BBS9: variants seen among roughly 807,000 people sequenced by gnomAD.
BBS9 encodes the protein Bardet-Biedl syndrome 9.
In BBS9, 89 loss-of-function variants were observed where a neutral mutation model predicts 117.7. That is an observed-to-expected ratio of 0.76 (90% CI 0.64 to 0.90). The LOEUF is 0.90. BBS9 is among the 40% of genes least tolerant of loss of function. BBS9 has a pLI of 0.00. For synonymous variants in BBS9, 379 were observed against 370.9 expected (o/e 1.02, Z -0.25); for missense variants, 982 against 1,042.2 (o/e 0.94, Z 0.80).
At chr7:33,517,068 T>G (rs1304828824) in intron 20 of BBS9, among the ~76,000 whole-genome samples, 1 of 152,268 alleles carries the variant, frequency 6.6e-6, no homozygotes, top group Non-Finnish European at 1.5e-5. Flanking sequence ...TCATAAACAT[T>G]GGTTAGCAGT....
At chr7:33,132,352 G>C (rs1057364961) in intron 1 of BBS9, among the ~76,000 whole-genome samples, 1 of 152,156 alleles carries the variant, frequency 6.6e-6, no homozygotes, top group Non-Finnish European at 1.5e-5. Context: ...TTGTAGTTTT[G>C]TTATGAATAT....
intron 21 of BBS9, among the ~76,000 whole-genome samples, chr7:33,574,184 G>A (rs918732181): frequency 2.0e-5 from 3 of 152,114 alleles, no homozygotes; most frequent in Admixed American, 1.3e-4. Context: ...TTGGCATGGA[G>A]TGGGAAAAAC....
Position 33,540,749 on chromosome 7 carries a change from G to A in BBS9, c.2521+6573G>A, listed in dbSNP as rs138545515. Among the ~76,000 whole-genome samples the A allele has an allele frequency of 2.9e-3, 436 of 152,296 alleles. 2 individuals are homozygous for A. Among genetic ancestry groups the A allele is most frequent in the African/African-American group, 9.9e-3 (412 of 41,570 alleles). On this transcript the variant is annotated intron_variant, in intron 21 of 22. Coordinates refer to ENST00000242067, the MANE Select transcript of BBS9 (RefSeq NM_198428.3). ...GACCATGTGTTTATGGAGCGTGTTT[G>A]TATTTCAGTTCTCATGAACTAACCC... is the stretch of plus-strand genomic sequence containing the variant.
intron 9 of BBS9, among the ~76,000 whole-genome samples, chr7:33,275,046 A>G (rs1040664372): frequency 6.6e-5 from 10 of 150,732 alleles, no homozygotes; most frequent in Admixed American, 2.0e-4. Flanking sequence ...AGTGACACCT[A>G]TAGTTTCTCA....
intron 20 of BBS9, among the ~76,000 whole-genome samples, chr7:33,527,381 T>C (rs1179134556): frequency 1.3e-5 from 2 of 152,092 alleles, no homozygotes; most frequent in Non-Finnish European, 2.9e-5. Context: ...CTCAGACTGC[T>C]GTGCTAGCAA....
At chr7:33,437,928 C>T (rs2128891143) in intron 19 of BBS9, among the ~76,000 whole-genome samples, 1 of 152,200 alleles carries the variant, frequency 6.6e-6, no homozygotes, top group Non-Finnish European at 1.5e-5. Flanking sequence ...TTTTGAACAG[C>T]TTTTGCAACT....
downstream of BBS9, among the ~76,000 whole-genome samples, chr7:33,611,061 G>A (rs1327993406): frequency 1.3e-5 from 2 of 151,992 alleles, no homozygotes; most frequent in Admixed American, 6.6e-5. Flanking sequence ...GATTGAAGAG[G>A]GCCCAGCCGC....
At position 33,288,664 on chromosome 7, in the gene BBS9, C is replaced by A. The variant is rs574277067; in HGVS notation, c.1016+14708C>A. On this transcript the variant is annotated intron_variant, in intron 9 of 22. Transcript: ENST00000242067. ...TATTTTTATATTTGTTGATAGTTAG[C>A]ATGAAGTATATATTATGAAGATGTT... 2.0e-5 allele frequency among the ~76,000 whole-genome samples: 3 copies of A among 152,112 alleles called. No homozygotes were observed. In the East Asian group the frequency reaches 5.8e-4, roughly 29 times the overall value.
intron 19 of BBS9, among the ~76,000 whole-genome samples, chr7:33,477,716 A>C (rs1841989324): frequency 6.6e-6 from 1 of 152,228 alleles, no homozygotes; most frequent in Non-Finnish European, 1.5e-5. Context: ...TTAAGTAAGT[A>C]TAGCATTAGG....
chr7:33,157,532 G>T (rs1306474685), intron 4 of BBS9: 2 of 151,608 alleles, frequency 1.3e-5, no homozygotes, highest in Non-Finnish European at 1.5e-5. Context: ...CCTGGCTTGG[G>T]CTTAAATTGA....
intron 21 of BBS9, among the ~76,000 whole-genome samples, chr7:33,556,681 C>T (rs1442091202): frequency 6.6e-6 from 1 of 152,188 alleles, no homozygotes; most frequent in Non-Finnish European, 1.5e-5. Flanking sequence ...CTAAATTCAA[C>T]TCAAGATGCC....
chr7:33,596,561 C>G (rs1366030231), intron 21 of BBS9, among the ~76,000 whole-genome samples: 3 of 152,050 alleles, frequency 2.0e-5, no homozygotes, highest in Non-Finnish European at 4.4e-5. Context: ...CCCACTTTTT[C>G]TCCATAACTT....
chr7:33,575,195 T>C (rs1417020270), intron 21 of BBS9, among the ~76,000 whole-genome samples: 1 of 152,152 alleles, frequency 6.6e-6, no homozygotes, highest in South Asian at 2.1e-4. Context: ...TGATGCTGCA[T>C]GCTCTTGGCT....
At chr7:33,162,023 C>CAT (rs1213358572) in intron 4 of BBS9, among the ~76,000 whole-genome samples, 2 of 151,996 alleles carry the variant, frequency 1.3e-5, no homozygotes, top group East Asian at 3.9e-4. Flanking sequence ...GGATATTAGC[C>CAT]CTTTGTCAGA....
chr7:33,216,982 C>T (rs777308175), intron 5 of BBS9, among the ~76,000 whole-genome samples: 1 of 152,106 alleles, frequency 6.6e-6, no homozygotes, highest in Non-Finnish European at 1.5e-5. Flanking sequence ...GTAATCCCAG[C>T]TACTCAGGAG....
At chr7:33,521,895 C>A (rs1174368285) in intron 20 of BBS9, among the ~76,000 whole-genome samples, 1 of 109,708 alleles carries the variant, frequency 9.1e-6, no homozygotes, top group Non-Finnish European at 1.8e-5. Flanking sequence ...ATCCCTCCCC[C>A]CTCCCCCCAC....
At position 33,328,427 on chromosome 7, in the gene BBS9, AT is replaced by A. The variant is rs373084321; in HGVS notation, c.1017-8013del. 4.2e-4 allele frequency among the ~76,000 whole-genome samples: 64 copies of A among 152,328 alleles called. No individual in the cohort carries two copies. The East Asian group carries it at 0.012, about 28-fold the overall frequency. Reference sequence around the variant, plus strand: ...CAGATGCTCAATAAAAATGTCTGAAATGATTAATGGTGGATTGATTAAAATA... The same window carrying A: ...CAGATGCTCAATAAAAATGTCTGAAAGATTAATGGTGGATTGATTAAAATA... On this transcript the variant is annotated intron_variant, in intron 9 of 22. Coordinates refer to ENST00000242067, the MANE Select transcript of BBS9 (RefSeq NM_198428.3).
intron 9 of BBS9, among the ~76,000 whole-genome samples, chr7:33,324,728 G>T (rs1484936262): frequency 6.6e-6 from 1 of 151,856 alleles, no homozygotes; most frequent in Admixed American, 6.6e-5. Flanking sequence ...ACGTTTGATG[G>T]ATACTTTTGC....
intron 21 of BBS9, among the ~76,000 whole-genome samples, chr7:33,565,759 C>A (rs1856741810): frequency 9.1e-6 from 1 of 109,456 alleles, no homozygotes; most frequent in East Asian, 2.8e-4. Context: ...CAGATCAATA[C>A]AAAACATTAA....
Sources: gnomAD v4.1 joint callset for allele counts (sites outside exome capture counted in the v4.1 genomes callset) on GRCh38, gnomAD v4.1.1 for gene constraint, MANE v1.5 for transcripts, NCBI Gene and HGNC (gene_info 2026-07-23, HGNC 2026-07-21) for gene names.